Variants in LRBA observed in about 807,000 individuals in gnomAD.
The protein encoded by LRBA is lipopolysaccharide-responsive and beige-like anchor protein.
Under a neutral mutation model 330.0 loss-of-function variants are expected in LRBA, and 176 were observed. The observed-to-expected ratio is 0.53, with a 90% confidence interval of 0.47 to 0.60. The LOEUF (loss-of-function observed/expected upper bound fraction) is 0.60. LRBA is among the 20% of genes least tolerant of loss of function. The pLI is 0.00. For synonymous variants in LRBA, 1,230 were observed against 1,193.0 expected, an observed-to-expected ratio of 1.03 and a Z score of -0.64; for missense variants, 3,259 against 3,444.8, an observed-to-expected ratio of 0.95 and a Z score of 1.35.
intron 34 of LRBA, among the ~76,000 whole-genome samples, chr4:150,771,512 T>C (rs912716887): frequency 6.6e-6 from 1 of 152,102 alleles, no homozygotes; most frequent in Non-Finnish European, 1.5e-5. Flanking sequence ...AATCCACAGA[T>C]GGTAGTCTGG....
At chr4:150,804,564 C>A (rs1742263462) in intron 33 of LRBA, among the ~76,000 whole-genome samples, 1 of 152,134 alleles carries the variant, frequency 6.6e-6, no homozygotes. Flanking sequence ...AGACCATCTC[C>A]TAGCTACTGT....
At chr4:151,003,077 A>AGTGTGT (rs1561118011) in intron 2 of LRBA, among the ~76,000 whole-genome samples, 9 of 146,888 alleles carry the variant, frequency 6.1e-5, no homozygotes, top group African/African-American at 2.4e-4. Flanking sequence ...TGTGTGTACC[A>AGTGTGT]ACATCATTTT....
chr4:150,300,758 T>G (rs1729571379), intron 53 of LRBA, among the ~76,000 whole-genome samples: 1 of 152,152 alleles, frequency 6.6e-6, no homozygotes, highest in Non-Finnish European at 1.5e-5. Context: ...TCATGATATA[T>G]ATCATACTTT....
intron 37 of LRBA, among the ~76,000 whole-genome samples, chr4:150,657,934 G>T (rs1358766507): frequency 2.0e-5 from 3 of 151,906 alleles, no homozygotes; most frequent in African/African-American, 7.3e-5. Flanking sequence ...TGCTTTTACT[G>T]CAAAAGAAAG....
At chr4:150,580,354 G>A (rs1451401835) in intron 40 of LRBA, 1 of 152,168 alleles carries the variant, frequency 6.6e-6, no homozygotes, top group African/African-American at 2.4e-5. Flanking sequence ...GAGGAAGGGT[G>A]ACAAACTGCC....
chr4:150,475,844 C>T (rs754436634), intron 42 of LRBA, among the ~76,000 whole-genome samples: 1 of 151,204 alleles, frequency 6.6e-6, no homozygotes, highest in Non-Finnish European at 1.5e-5. Context: ...TTTGAAGCTG[C>T]AGTGAGCTAT....
In LRBA at chr4:150,618,421, A is replaced by G. The variant is rs116375044; in HGVS notation, c.5922-19290T>C. On this transcript the variant is annotated intron_variant, in intron 37 of 56. Coordinates refer to ENST00000651943, the MANE Select transcript of LRBA (RefSeq NM_001364905.1). ...GCTAACAAAAGCATAAATGAAATGT[A>G]AAAATATTCCAAAGGGTTCATGAGA... Among the ~76,000 whole-genome samples the G allele has an allele frequency of 1.2e-3, 188 of 152,340 alleles. 3 individuals are homozygous for G. The highest frequency in any genetic ancestry group is 4.4e-3 in the African/African-American group (184 of 41,594).
chr4:150,397,589 T>C (rs893847417), intron 47 of LRBA, among the ~76,000 whole-genome samples: 14 of 152,210 alleles, frequency 9.2e-5, no homozygotes, highest in African/African-American at 2.9e-4. Context: ...AAGAATGTAT[T>C]CTTAAAATAG....
Position 150,872,663 on chromosome 4 carries a change from T to C in LRBA, c.2258A>G (p.Lys753Arg), listed in dbSNP as rs1753574138. ...CCATCTTAGATTTCGGCATACTTAC[T>C]TTGGGGCCAGATGTTTTAAAAAATA... ...MGYFLKHLAP[K>R]RKAEVMLGHG... is the part of the protein sequence containing the mutation. Residue 753 changes from lysine to arginine, a missense_variant and splice_region_variant, in exon 18 of 57, where the codon AAG (lysine) becomes AGG (arginine). Coordinates refer to ENST00000651943, the MANE Select transcript of LRBA (RefSeq NM_001364905.1). 2 of 1,600,128 alleles carry C rather than the reference T, an allele frequency of 1.2e-6. No homozygotes were observed. Among genetic ancestry groups the C allele is most frequent in the East Asian group, 4.5e-5 (2 of 44,478 alleles).
At chr4:150,281,962 T>C (rs1747591331) in intron 55 of LRBA, among the ~76,000 whole-genome samples, 1 of 152,218 alleles carries the variant, frequency 6.6e-6, no homozygotes, top group African/African-American at 2.4e-5. Context: ...TTCTTTAACA[T>C]GTTTTTGGTC....
At chr4:150,486,590 G>A (rs565846480) in intron 42 of LRBA, among the ~76,000 whole-genome samples, 1 of 151,542 alleles carries the variant, frequency 6.6e-6, no homozygotes, top group African/African-American at 2.4e-5. Flanking sequence ...TTTTTGTCTT[G>A]TATACATCAC....
At chr4:150,681,380 A>T (rs1783043775) in intron 37 of LRBA, among the ~76,000 whole-genome samples, 1 of 152,228 alleles carries the variant, frequency 6.6e-6, no homozygotes, top group Non-Finnish European at 1.5e-5. Context: ...TTTGTCAGCT[A>T]CATTTTCTTA....
chr4:150,782,357 T>C (rs1358224308), intron 34 of LRBA, among the ~76,000 whole-genome samples: 1 of 152,236 alleles, frequency 6.6e-6, no homozygotes, highest in East Asian at 1.9e-4. Flanking sequence ...TGGCTTAAAG[T>C]ACTATAAATT....
intron 49 of LRBA, among the ~76,000 whole-genome samples, chr4:150,323,474 C>G (rs143537512): frequency 2.1e-4 from 32 of 152,022 alleles, no homozygotes; most frequent in African/African-American, 7.5e-4. Flanking sequence ...TTAAAAAACA[C>G]AAAAAAAATC....
chr4:150,787,849 T>C (rs1243803574), intron 34 of LRBA, among the ~76,000 whole-genome samples: 1 of 152,188 alleles, frequency 6.6e-6, no homozygotes, highest in Non-Finnish European at 1.5e-5. Flanking sequence ...TATCTCTGAG[T>C]TCAACTGTTG....
Position 150,314,094 on chromosome 4 carries a change from C to A in LRBA, c.7693+1467G>T, listed in dbSNP as rs1731421016. The stretch of plus-strand genomic sequence containing the variant: ...TCTGGCCCTTTACCAAAAAAGTTTA[C>A]CCATGCTTACCCTAAAGGGTTACAA... On this transcript the variant is annotated intron_variant, in intron 51 of 56. Coordinates refer to ENST00000651943, the MANE Select transcript of LRBA (RefSeq NM_001364905.1). Among the ~76,000 whole-genome samples, 3 of 151,844 alleles carry A rather than the reference C, an allele frequency of 2.0e-5. No homozygotes were observed. The South Asian group carries it at 6.2e-4, about 31-fold the overall frequency.
intron 37 of LRBA, among the ~76,000 whole-genome samples, chr4:150,675,307 C>G (rs1481920681): frequency 6.6e-6 from 1 of 152,206 alleles, no homozygotes; most frequent in East Asian, 1.9e-4. Context: ...GCCTTTGGAT[C>G]TTGGTCAAGT....
At chr4:150,290,164 G>A (rs2126796862) in intron 53 of LRBA, among the ~76,000 whole-genome samples, 1 of 152,276 alleles carries the variant, frequency 6.6e-6, no homozygotes, top group East Asian at 1.9e-4. Flanking sequence ...TCAGAAATCT[G>A]CCCCTCCCAA....
intron 2 of LRBA, among the ~76,000 whole-genome samples, chr4:150,951,285 T>C (rs577318687): frequency 2.3e-4 from 35 of 152,264 alleles, no homozygotes; most frequent in African/African-American, 7.7e-4. Flanking sequence ...CACATACGTA[T>C]AGTTGTATAT....
Sources: gnomAD v4.1 joint callset for allele counts (sites outside exome capture counted in the v4.1 genomes callset) on GRCh38, gnomAD v4.1.1 for gene constraint, MANE v1.5 for transcripts, NCBI Gene and HGNC (gene_info 2026-07-23, HGNC 2026-07-21) for gene names.